The following MBNL2 variants were observed in gnomAD, a reference collection of about 807,000 sequenced individuals.
MBNL2 encodes the protein muscleblind like splicing regulator 2, also known as muscleblind-like protein 2.
MBNL2 carries 17 observed loss-of-function variants against 41.9 expected under a neutral mutation model. The observed-to-expected ratio is 0.41, with a 90% CI of 0.28 to 0.61. The LOEUF (loss-of-function observed/expected upper bound fraction) is 0.61, where lower values mean the gene tolerates loss of function less well. Among genes scored for constraint, MBNL2 ranks in the 20% least tolerant of loss-of-function variants. MBNL2 has a pLI of 0.35. For missense variants in MBNL2, 336 were observed against 505.6 expected, an observed-to-expected ratio of 0.66 and a Z score of 3.22; for synonymous variants, 195 against 182.9, an observed-to-expected ratio of 1.07 and a Z score of -0.53.
chr13:97,254,393 AT>A (rs894956727), intron 1 of MBNL2, among the ~76,000 whole-genome samples: 2 of 152,190 alleles, frequency 1.3e-5, no homozygotes, highest in African/African-American at 4.8e-5. Context: ...ATGATAAGGG[AT>A]TTTGATGCAT....
At chr13:97,253,905 ATT>A (rs989510263) in intron 1 of MBNL2, among the ~76,000 whole-genome samples, 9 of 150,876 alleles carry the variant, frequency 6.0e-5, no homozygotes, top group Non-Finnish European at 1.2e-4. Context: ...ATTTTTATTT[ATT>A]TGTTTTTGAG....
At chr13:97,219,691 A>G (rs2040695981), upstream of MBNL2, among the ~76,000 whole-genome samples, 1 of 152,190 alleles carries the variant, frequency 6.6e-6, no homozygotes, top group East Asian at 1.9e-4. Flanking sequence ...CCCATCTCCA[A>G]ATACCTTCCT....
At chr13:97,296,355 C>T (rs1400304533) in intron 2 of MBNL2, among the ~76,000 whole-genome samples, 1 of 152,064 alleles carries the variant, frequency 6.6e-6, no homozygotes, top group Non-Finnish European at 1.5e-5. Flanking sequence ...AGTGTTCTTC[C>T]TAATTACTTA....
At chr13:97,238,941 T>C (rs1422019855) in intron 1 of MBNL2, among the ~76,000 whole-genome samples, 1 of 152,056 alleles carries the variant, frequency 6.6e-6, no homozygotes, top group Admixed American at 6.5e-5. Flanking sequence ...ATTAGATAAA[T>C]GTGAAGGAAG....
intron 2 of MBNL2, among the ~76,000 whole-genome samples, chr13:97,284,858 T>G (rs551673160): frequency 8.8e-4 from 134 of 152,346 alleles, no homozygotes; most frequent in African/African-American, 3.2e-3. Context: ...ACACTTATTT[T>G]CACCTATAAA....
chr13:97,154,377 C>T, the MBNL2 span, among the ~76,000 whole-genome samples: 1 of 152,028 alleles, frequency 6.6e-6, no homozygotes, highest in African/African-American at 2.4e-5. Flanking sequence ...TGTAGTGGTG[C>T]AATCTCAGCT....
intron 8 of MBNL2, among the ~76,000 whole-genome samples, chr13:97,372,773 G>T (rs1454206192): frequency 6.6e-6 from 1 of 152,200 alleles, no homozygotes; most frequent in African/African-American, 2.4e-5. Context: ...AAAGTTATTT[G>T]TATATGGGTT....
At chr13:97,298,160 T>C (rs1013617507) in intron 2 of MBNL2, among the ~76,000 whole-genome samples, 3 of 151,780 alleles carry the variant, frequency 2.0e-5, no homozygotes, top group African/African-American at 7.3e-5. Flanking sequence ...ACATGTACCC[T>C]AAAACTTGAA....
chr13:97,335,113 T>C (rs770385367), intron 3 of MBNL2, among the ~76,000 whole-genome samples: 2 of 152,218 alleles, frequency 1.3e-5, no homozygotes, highest in Non-Finnish European at 2.9e-5. Context: ...CGGAGGGACT[T>C]AGCATATAAA....
chr13:97,229,882 A>G (rs868013116), intron 1 of MBNL2, among the ~76,000 whole-genome samples: 2 of 152,226 alleles, frequency 1.3e-5, no homozygotes, highest in South Asian at 4.1e-4. Context: ...CGGCTAGAAA[A>G]CTTTCACAAT....
chr13:97,223,779 C>T (rs1338949103), intron 1 of MBNL2, among the ~76,000 whole-genome samples: 2 of 152,096 alleles, frequency 1.3e-5, no homozygotes, highest in Non-Finnish European at 2.9e-5. Flanking sequence ...TAGAACTACT[C>T]ATTTAAATAA....
At chr13:97,274,928 C>A (rs2051877980) in intron 1 of MBNL2, among the ~76,000 whole-genome samples, 1 of 152,166 alleles carries the variant, frequency 6.6e-6, no homozygotes, top group Non-Finnish European at 1.5e-5. Context: ...AATTTACATT[C>A]CTGCACTTAG....
chr13:97,168,197 C>T, the MBNL2 span, among the ~76,000 whole-genome samples: 1 of 152,144 alleles, frequency 6.6e-6, no homozygotes, highest in African/African-American at 2.4e-5. Context: ...CTGCTGACCT[C>T]AGGTGATCCA....
the MBNL2 span, among the ~76,000 whole-genome samples, chr13:97,188,476 C>T: frequency 6.6e-6 from 1 of 152,126 alleles, no homozygotes; most frequent in Admixed American, 6.5e-5. Flanking sequence ...AGAAACCACA[C>T]CTGCCGCACA....
At chr13:97,351,638 G>A (rs2062468104) in intron 5 of MBNL2, among the ~76,000 whole-genome samples, 1 of 152,210 alleles carries the variant, frequency 6.6e-6, no homozygotes, top group African/African-American at 2.4e-5. Flanking sequence ...TCAACCTTGT[G>A]AACCAATCTC....
At chr13:97,179,869 A>T in the MBNL2 span, among the ~76,000 whole-genome samples, 6 of 152,172 alleles carry the variant, frequency 3.9e-5, no homozygotes, top group African/African-American at 1.4e-4. Flanking sequence ...ACCAGAGATG[A>T]TGCTGGAAAG....
chr13:97,204,709 C>T, the MBNL2 span, among the ~76,000 whole-genome samples: 21 of 152,058 alleles, frequency 1.4e-4, no homozygotes, highest in South Asian at 2.1e-4. Flanking sequence ...GAGTGGGTTG[C>T]GGCCCAATCC....
intron 2 of MBNL2, among the ~76,000 whole-genome samples, chr13:97,286,080 T>C (rs889989438): frequency 3.9e-5 from 6 of 152,334 alleles, no homozygotes; most frequent in Middle Eastern, 3.4e-3. Context: ...CATAAACATT[T>C]CTAGATGCTA....
intron 8 of MBNL2, among the ~76,000 whole-genome samples, chr13:97,391,031 A>G (rs1039665945): frequency 1.3e-5 from 2 of 152,196 alleles, no homozygotes; most frequent in African/African-American, 4.8e-5. Context: ...AATTTTAAAA[A>G]GAAATTGTGG....
Sources: gnomAD v4.1 joint callset for allele counts (sites outside exome capture counted in the v4.1 genomes callset) on GRCh38, gnomAD v4.1.1 for gene constraint, MANE v1.5 for transcripts, NCBI Gene and HGNC (gene_info 2026-07-23, HGNC 2026-07-21) for gene names.